The following CPXM2 variants were observed in gnomAD, a reference collection of about 807,000 sequenced individuals.
CPXM2 encodes the protein carboxypeptidase X, M14 family member 2, also known as inactive carboxypeptidase-like protein X2.
In CPXM2, 66 loss-of-function variants were observed where a neutral mutation model predicts 86.1. The ratio of observed to expected loss-of-function variants is 0.77; its 90% CI spans 0.63 to 0.94. The LOEUF (loss-of-function observed/expected upper bound fraction) is 0.94. Among genes scored for constraint, CPXM2 ranks in the 40% least tolerant of loss-of-function variants. CPXM2 has a pLI of 0.00. For missense variants in CPXM2, 948 were observed against 1,026.3 expected (o/e 0.92, Z 1.04); for synonymous variants, 388 against 400.2 (o/e 0.97, Z 0.36).
At chr10:123,747,623 A>C (rs1220138031) in intron 13 of CPXM2, among the ~76,000 whole-genome samples, 2 of 152,132 alleles carry the variant, frequency 1.3e-5, no homozygotes, top group African/African-American at 4.8e-5. Context: ...CATGAGACCC[A>C]TGCTGGAGCT....
intron 4 of CPXM2, among the ~76,000 whole-genome samples, chr10:123,821,239 A>T (rs1286407591): frequency 3.3e-5 from 5 of 152,256 alleles, no homozygotes; most frequent in Non-Finnish European, 7.3e-5. Context: ...CCCAAAGTGG[A>T]CATAGAGTTC....
chr10:123,762,003 C>T lies in CPXM2; in HGVS notation c.1646G>A (p.Arg549His), dbSNP rs774008546. Residue 549 changes from arginine (R) to histidine (H), a missense_variant, in exon 11 of 14, where the codon CGC (arginine) becomes CAC (histidine). Physicochemically the swap from Arg to His is conservative, Grantham distance 29 (BLOSUM62 0). Coordinates refer to ENST00000241305, the MANE Select transcript of CPXM2 (RefSeq NM_198148.3). ...HTPTPDDHVFRWLAYSYASTH... is the reference protein window; with the variant it reads ...HTPTPDDHVFHWLAYSYASTH... ...GGAGGCATAGGAGTAGGCCAGCCAGCGGAACACGTGGTCGTCGGGGGTGGG... is the reference window on the plus strand; with the variant it reads ...GGAGGCATAGGAGTAGGCCAGCCAGTGGAACACGTGGTCGTCGGGGGTGGG... The T allele has an allele frequency of 4.8e-5, 77 of 1,613,442 alleles. No individual in the cohort carries two copies. The highest frequency in any genetic ancestry group is 5.8e-5 in the Non-Finnish European group (69 of 1,179,638).
chr10:123,813,514 G>A (rs1847740487), intron 4 of CPXM2, among the ~76,000 whole-genome samples: 1 of 152,204 alleles, frequency 6.6e-6, no homozygotes, highest in African/African-American at 2.4e-5. Flanking sequence ...GTTATCTGGA[G>A]CTGCACATGA....
intron 2 of CPXM2, among the ~76,000 whole-genome samples, chr10:123,904,190 G>T (rs1056115605): frequency 2.0e-5 from 3 of 152,154 alleles, no homozygotes; most frequent in Admixed American, 6.5e-5. Flanking sequence ...ACCCCTTTCT[G>T]GAAAATTCTG....
In CPXM2 at chr10:123,795,580, CG is replaced by C. The variant is rs143678131; in HGVS notation, c.889+2395del. The stretch of plus-strand genomic sequence containing the variant: ...TTTTACAAAGGAATCTCCCTAGCAC[CG>C]GGGTGATAAGCAAGACTCATTTTGG... On this transcript the variant is annotated intron_variant, in intron 6 of 13. Transcript: ENST00000241305. Among the ~76,000 whole-genome samples the C allele has an allele frequency of 3.0e-4, 46 of 152,270 alleles. No homozygotes were observed. In the East Asian group the frequency reaches 8.1e-3, roughly 27 times the overall value.
intron 4 of CPXM2, among the ~76,000 whole-genome samples, chr10:123,823,218 T>C (rs1847966538): frequency 6.6e-6 from 1 of 152,156 alleles, no homozygotes; most frequent in Non-Finnish European, 1.5e-5. Context: ...GAAACAGATT[T>C]AACTCAGGAG....
chr10:123,753,280 TCA>T (rs1449178932), intron 13 of CPXM2, among the ~76,000 whole-genome samples: 1 of 152,164 alleles, frequency 6.6e-6, no homozygotes, highest in African/African-American at 2.4e-5. Flanking sequence ...CACAGCATTT[TCA>T]GTTTTAAGTG....
chr10:123,909,282 C>A (rs1394118382), intron 2 of CPXM2, among the ~76,000 whole-genome samples: 1 of 152,222 alleles, frequency 6.6e-6, no homozygotes, highest in African/African-American at 2.4e-5. Context: ...GTCTTCAGGG[C>A]CTGCAGGGGG....
intron 4 of CPXM2, among the ~76,000 whole-genome samples, chr10:123,812,300 T>C (rs1847711105): frequency 6.6e-6 from 1 of 152,206 alleles, no homozygotes. Context: ...GATGATCCTG[T>C]GAAGCATAAT....
Position 123,862,639 on chromosome 10 carries a change from GC to G in CPXM2, c.487del (p.Ala163HisfsTer40). 2.5e-6 allele frequency: 4 copies of G among 1,614,132 alleles called. No individual in the cohort carries two copies. The highest frequency in any genetic ancestry group is 1.7e-5 in the Admixed American group (1 of 60,026). On this transcript the variant is annotated frameshift_variant, in exon 3 of 14. Coordinates refer to ENST00000241305, the MANE Select transcript of CPXM2 (RefSeq NM_198148.3). LOFTEE classifies it high-confidence loss of function. ...CTGGATGTTGAGTCTCCCTCGATGT[GC>G]CCCCAGGCCATAGCGCTTCACCGTG... ...ASTVKRYGLGAHRGRLNIQAG... is the reference protein window; with the variant it reads ...ASTVKRYGLGXHRGRLNIQAG...
intron 2 of CPXM2, among the ~76,000 whole-genome samples, chr10:123,868,692 G>A (rs143883455): frequency 1.9e-3 from 285 of 152,190 alleles, no homozygotes; most frequent in African/African-American, 6.6e-3. Context: ...TTTGGAAAAT[G>A]TACCCTACTC....
At chr10:123,868,943 T>C (rs1944845138) in intron 2 of CPXM2, among the ~76,000 whole-genome samples, 1 of 152,124 alleles carries the variant, frequency 6.6e-6, no homozygotes, top group Admixed American at 6.5e-5. Context: ...CTGGTTCTGG[T>C]CCAAGGACCT....
chr10:123,769,365 A>C (rs1338070110), intron 8 of CPXM2: 1 of 152,456 alleles, frequency 6.6e-6, no homozygotes, highest in Non-Finnish European at 1.5e-5. Flanking sequence ...GCACCAGTGC[A>C]GGAGTTCAAG....
intron 4 of CPXM2, among the ~76,000 whole-genome samples, chr10:123,818,492 T>C (rs990906942): frequency 6.6e-6 from 1 of 152,236 alleles, no homozygotes; most frequent in African/African-American, 2.4e-5. Context: ...AGGTTCGTCC[T>C]CACTGGAGTA....
intron 4 of CPXM2, among the ~76,000 whole-genome samples, chr10:123,823,620 T>C (rs1002622693): frequency 1.3e-5 from 2 of 152,066 alleles, no homozygotes; most frequent in Non-Finnish European, 2.9e-5. Context: ...ATAACTGTTT[T>C]GGAAGGATAA....
At chr10:123,752,972 A>G (rs1214390486) in intron 13 of CPXM2, among the ~76,000 whole-genome samples, 1 of 152,174 alleles carries the variant, frequency 6.6e-6, no homozygotes, top group Non-Finnish European at 1.5e-5. Context: ...GTGTGTTAGA[A>G]GGGAGACATG....
At chr10:123,822,085 A>C (rs1191842068) in intron 4 of CPXM2, among the ~76,000 whole-genome samples, 1 of 152,210 alleles carries the variant, frequency 6.6e-6, no homozygotes. Context: ...CCAATGAAAA[A>C]GGTAACAGCT....
intron 4 of CPXM2, among the ~76,000 whole-genome samples, chr10:123,832,160 T>C (rs1848180585): frequency 6.6e-6 from 1 of 152,250 alleles, no homozygotes. Context: ...TTGGGGGTTT[T>C]CTTTTGATTT....
chr10:123,764,832 CTTAAG>C (rs1371248276), intron 10 of CPXM2, among the ~76,000 whole-genome samples: 2 of 150,882 alleles, frequency 1.3e-5, no homozygotes, highest in African/African-American at 2.4e-5. Context: ...TTGCTAACTT[CTTAAG>C]TTAGTTAACT....
Sources: allele counts gnomAD v4.1 joint callset (sites outside exome capture counted in the v4.1 genomes callset), GRCh38; gene constraint gnomAD v4.1.1; transcripts MANE v1.5; gene names NCBI Gene and HGNC (gene_info 2026-07-23, HGNC 2026-07-21).